SPATS2: variants seen among roughly 807,000 people sequenced by gnomAD.
The protein encoded by SPATS2 is spermatogenesis associated serine rich 2.
In SPATS2, 38 loss-of-function variants were observed where a neutral mutation model predicts 63.7. The observed-to-expected ratio is 0.60, with a 90% CI of 0.46 to 0.78. SPATS2 has a LOEUF of 0.78. SPATS2 is among the 30% of genes least tolerant of loss of function. SPATS2 has a pLI of 0.00. For synonymous variants in SPATS2, 207 were observed against 232.9 expected (o/e 0.89, Z 1.01); for missense variants, 588 against 666.2 (o/e 0.88, Z 1.29).
chr12:49,416,020 C>CTTTT (rs774706596), intron 2 of SPATS2, among the ~76,000 whole-genome samples: 2 of 137,240 alleles, frequency 1.5e-5, no homozygotes, highest in African/African-American at 2.7e-5. Context: ...AAACATTTTA[C>CTTTT]TTTTTTTTTT....
At chr12:49,506,836 TAA>T (rs11296154) in intron 9 of SPATS2, among the ~76,000 whole-genome samples, 18 of 140,266 alleles carry the variant, frequency 1.3e-4, no homozygotes, top group South Asian at 2.3e-4. Flanking sequence ...CCTGTCTCTT[TAA>T]AAAAAAAAAA....
chr12:49,454,431 G>A (rs779348759), intron 2 of SPATS2: 4 of 152,234 alleles, frequency 2.6e-5, no homozygotes, highest in Non-Finnish European at 5.9e-5. Flanking sequence ...TTCAACTAAT[G>A]TGGGCTATCT....
chr12:49,500,855 A>G (rs1438825145), intron 9 of SPATS2, among the ~76,000 whole-genome samples: 2 of 152,182 alleles, frequency 1.3e-5, no homozygotes, highest in African/African-American at 4.8e-5. Context: ...GAACAAAATT[A>G]TAAAGTAGAA....
At position 49,394,367 on chromosome 12, in the gene SPATS2, T is replaced by G. The variant is rs150585694; in HGVS notation, c.-244+23077T>G. Among the ~76,000 whole-genome samples, 196 of 150,794 alleles carry G rather than the reference T, an allele frequency of 1.3e-3. 1 individual carries two copies. Among genetic ancestry groups the G allele is most frequent in the Non-Finnish European group, 2.1e-3 (143 of 67,712 alleles). ...AAAAAAAAAAAAAAAACAGAACTAG[T>G]TTGCTGGATTCTGCAAAAAAAGTCT... On this transcript the variant is annotated intron_variant, in intron 2 of 13. Coordinates refer to ENST00000552918, the MANE Select transcript of SPATS2 (RefSeq NM_023071.4).
Position 49,518,305 on chromosome 12 carries a change from C to G in SPATS2, c.899-768C>G, listed in dbSNP as rs1252994614. On this transcript the variant is annotated intron_variant, in intron 10 of 13. Transcript: ENST00000552918. ...GGGAGGATTTCTTTGGTTTTGTTTC[C>G]ACTGTAGCCCCTGTCTCTCTGGGAG... is the stretch of plus-strand genomic sequence containing the variant. Among the ~76,000 whole-genome samples, 4 of 152,094 alleles carry G rather than the reference C, an allele frequency of 2.6e-5. No homozygotes were observed. In the East Asian group the frequency reaches 7.7e-4, roughly 29 times the overall value.
intron 2 of SPATS2, among the ~76,000 whole-genome samples, chr12:49,378,043 G>A (rs1302858805): frequency 6.6e-6 from 1 of 152,100 alleles, no homozygotes; most frequent in Non-Finnish European, 1.5e-5. Flanking sequence ...CACGATCTTG[G>A]CTCACTGCCA....
At chr12:49,437,913 C>A (rs1565722121) in intron 2 of SPATS2, among the ~76,000 whole-genome samples, 1 of 151,940 alleles carries the variant, frequency 6.6e-6, no homozygotes, top group South Asian at 2.1e-4. Context: ...AATGACTAGT[C>A]AAGAATATGC....
chr12:49,463,536 T>C (rs550604227), intron 3 of SPATS2: 3 of 152,370 alleles, frequency 2.0e-5, no homozygotes, highest in Admixed American at 2.0e-4. Context: ...GTTGGGACTT[T>C]CTCTGAAACA....
chr12:49,507,839 C>T (rs1028294724), intron 9 of SPATS2, among the ~76,000 whole-genome samples: 3 of 152,054 alleles, frequency 2.0e-5, no homozygotes, highest in East Asian at 1.9e-4. Flanking sequence ...CCGGTTAATA[C>T]GATTGCATTT....
intron 4 of SPATS2, among the ~76,000 whole-genome samples, chr12:49,487,549 T>C (rs1398559755): frequency 1.3e-5 from 2 of 152,146 alleles, no homozygotes; most frequent in Non-Finnish European, 2.9e-5. Context: ...GAAGGTGCAA[T>C]ATTTTTAAAA....
chr12:49,383,671 C>T (rs77659537), intron 2 of SPATS2, among the ~76,000 whole-genome samples: 8 of 152,218 alleles, frequency 5.3e-5, no homozygotes, highest in East Asian at 1.9e-4. Context: ...TAAAGTGTTG[C>T]GCTTATAGAC....
intron 2 of SPATS2, among the ~76,000 whole-genome samples, chr12:49,422,778 G>A (rs1317006535): frequency 6.6e-6 from 1 of 152,040 alleles, no homozygotes; most frequent in Admixed American, 6.6e-5. Context: ...TGCATGTGGT[G>A]GCGTGTGCTT....
intron 2 of SPATS2, among the ~76,000 whole-genome samples, chr12:49,392,811 G>A (rs1291393983): frequency 6.6e-6 from 1 of 150,440 alleles, no homozygotes; most frequent in African/African-American, 2.4e-5. Context: ...CAGCACTTTG[G>A]GAAGCTGAGT....
intron 2 of SPATS2, among the ~76,000 whole-genome samples, chr12:49,401,011 C>A (rs959372075): frequency 6.6e-6 from 1 of 151,958 alleles, no homozygotes; most frequent in Non-Finnish European, 1.5e-5. Context: ...TAGCTGGGAC[C>A]ACAGGCATGT....
At chr12:49,487,979 C>T (rs946279227) in intron 4 of SPATS2, among the ~76,000 whole-genome samples, 5 of 152,076 alleles carry the variant, frequency 3.3e-5, no homozygotes, top group Non-Finnish European at 7.4e-5. Context: ...TTTTAGTTCC[C>T]TCTAGGGATT....
chr12:49,369,084 A>G (rs1002542194), intron 1 of SPATS2, among the ~76,000 whole-genome samples: 4 of 125,034 alleles, frequency 3.2e-5, no homozygotes, highest in Non-Finnish European at 6.2e-5. Context: ...TGCCCAGGCT[A>G]GAGTGCAGTG....
chr12:49,498,145 A>ATATATAT lies in SPATS2; in HGVS notation c.703+1136_703+1137insTATATAT, dbSNP rs1555191173. Among the ~76,000 whole-genome samples the ATATATAT allele has an allele frequency of 2.5e-3, 246 of 98,924 alleles. 1 individual carries two copies. Among genetic ancestry groups the ATATATAT allele is most frequent in the Middle Eastern group, 9.7e-3 (2 of 206 alleles). 64.9% of individuals were successfully genotyped at this position (98,924 alleles called of 152,430 possible). A position where few individuals can be genotyped will look rare whatever the true frequency, so the allele number is the denominator to read the frequency against. On this transcript the variant is annotated intron_variant, in intron 8 of 13. Transcript: ENST00000552918. ...ATCCAATCAAGCCAAAAAAAAAAAA[A>ATATATAT]ATATATATATATATATATATATATG...
chr12:49,445,436 C>T (rs528976876), intron 2 of SPATS2, among the ~76,000 whole-genome samples: 7 of 152,196 alleles, frequency 4.6e-5, no homozygotes, highest in Admixed American at 1.3e-4. Context: ...TGGAATAAGT[C>T]CCACTTGGTC....
At chr12:49,478,079 A>G (rs12819350) in intron 3 of SPATS2, among the ~76,000 whole-genome samples, 12,982 of 150,906 alleles carry the variant, frequency 0.086, 787 homozygotes, top group Non-Finnish European at 0.13. Flanking sequence ...GGCTCAAGCA[A>G]TCCTCTTGCC....
Sources: gnomAD v4.1 joint callset for allele counts (sites outside exome capture counted in the v4.1 genomes callset) on GRCh38, gnomAD v4.1.1 for gene constraint, MANE v1.5 for transcripts, NCBI Gene and HGNC (gene_info 2026-07-23, HGNC 2026-07-21) for gene names.